TMEM47: variants seen among roughly 807,000 people sequenced by gnomAD.
TMEM47 encodes the protein brain cell membrane protein 1.
Under a neutral mutation model 12.4 loss-of-function variants are expected in TMEM47, and 3 were observed. The ratio of observed to expected loss-of-function variants is 0.24; its 90% CI spans 0.11 to 0.63. The LOEUF (loss-of-function observed/expected upper bound fraction) is 0.63. Among genes scored for constraint, TMEM47 ranks in the 20% least tolerant of loss-of-function variants. TMEM47 has a pLI of 0.86. For synonymous variants in TMEM47, 62 were observed against 63.3 expected (o/e 0.98, Z 0.10); for missense variants, 89 against 143.8 (o/e 0.62, Z 1.95).
intron 1 of TMEM47, among the ~76,000 whole-genome samples, chrX:34,647,796 T>A (rs867177289): frequency 8.9e-6 from 1 of 112,289 alleles, no homozygotes; most frequent in Non-Finnish European, 1.9e-5. Context: ...AGAATGCAAT[T>A]AAGTTGTTGA....
At position 34,628,280 on chromosome X, in the gene TMEM47, C is replaced by T. The variant is rs1601962965; in HGVS notation, c.*2033G>A. ...TTTCTCATGCTGCTCTGACAATATG[C>T]AATTAACTGCAAGACACTCTGCCCC... On this transcript the variant is annotated 3_prime_UTR_variant, in exon 3 of 3. Coordinates refer to ENST00000275954, the MANE Select transcript of TMEM47 (RefSeq NM_031442.4). The T allele has an allele frequency of 1.8e-5, 2 of 111,846 alleles. No individual in the cohort carries two copies. The highest frequency in any genetic ancestry group is 7.5e-4 in the South Asian group (2 of 2,654). The allele number at this position is 111,846 out of a possible 1,213,427, so 9.2% of individuals were successfully genotyped here. A position where few individuals can be genotyped will look rare whatever the true frequency, so the allele number is the denominator to read the frequency against.
chrX:34,643,175 C>T (rs750892713), intron 1 of TMEM47, among the ~76,000 whole-genome samples: 1 of 111,228 alleles, frequency 9.0e-6, no homozygotes, highest in African/African-American at 3.3e-5. Flanking sequence ...CTCTCTCTTA[C>T]TGAACAAGAC....
intron 1 of TMEM47, among the ~76,000 whole-genome samples, chrX:34,656,347 G>A (rs768123322): frequency 9.1e-6 from 1 of 110,285 alleles, no homozygotes; most frequent in East Asian, 2.9e-4. Context: ...TGAACACTAG[G>A]CAAATTCGTC....
chrX:34,648,338 C>T (rs909438424), intron 1 of TMEM47, among the ~76,000 whole-genome samples: 12 of 111,819 alleles, frequency 1.1e-4, no homozygotes, highest in South Asian at 3.7e-4. Flanking sequence ...AGTACAAAAA[C>T]AGGCATATAG....
At chrX:34,634,123 T>C (rs1345387899) in intron 2 of TMEM47, among the ~76,000 whole-genome samples, 1 of 111,453 alleles carries the variant, frequency 9.0e-6, no homozygotes, top group Admixed American at 9.5e-5. Flanking sequence ...ACTATATTTC[T>C]ATTTTACTAC....
At chrX:34,639,811 C>A (rs977289445) in intron 1 of TMEM47, among the ~76,000 whole-genome samples, 2 of 111,435 alleles carry the variant, frequency 1.8e-5, no homozygotes, top group Non-Finnish European at 3.8e-5. Flanking sequence ...GCATTTCTAT[C>A]ACCCAGATTT....
At position 34,657,099 on chromosome X, in the gene TMEM47, G is replaced by T. The variant is rs767618955; in HGVS notation, c.-70C>A. ...AGGCGGGTCCGGAGAGCCGGGAGCCGGACCTCCCGAAGGGAGAAGCCGCCG... is the reference window on the plus strand; with the variant it reads ...AGGCGGGTCCGGAGAGCCGGGAGCCTGACCTCCCGAAGGGAGAAGCCGCCG... On this transcript the variant is annotated 5_prime_UTR_variant, in exon 1 of 3. Coordinates refer to ENST00000275954, the MANE Select transcript of TMEM47 (RefSeq NM_031442.4). 28 of 1,076,918 alleles carry T rather than the reference G, an allele frequency of 2.6e-5. No individual in the cohort carries two copies. In the South Asian group the frequency reaches 6.4e-4, roughly 25 times the overall value. The allele number at this position is 1,076,918 out of a possible 1,213,427, so 88.8% of individuals were successfully genotyped here. A position where few individuals can be genotyped will look rare whatever the true frequency, so the allele number is the denominator to read the frequency against.
chrX:34,650,766 T>C (rs909924896), intron 1 of TMEM47, among the ~76,000 whole-genome samples: 1 of 112,285 alleles, frequency 8.9e-6, no homozygotes, highest in African/African-American at 3.2e-5. Context: ...CCTTGGTTGT[T>C]TGAGACTAAA....
At chrX:34,639,766 T>C (rs1168994380) in intron 1 of TMEM47, among the ~76,000 whole-genome samples, 1 of 111,566 alleles carries the variant, frequency 9.0e-6, no homozygotes, top group Non-Finnish European at 1.9e-5. Context: ...TGAATTCTTA[T>C]AGATATTTAT....
Position 34,657,100 on chromosome X carries a change from G to C in TMEM47, c.-71C>G, listed in dbSNP as rs753156719. ...GGCGGGTCCGGAGAGCCGGGAGCCG[G>C]ACCTCCCGAAGGGAGAAGCCGCCGA... On this transcript the variant is annotated 5_prime_UTR_variant, in exon 1 of 3. Transcript: ENST00000275954. The C allele has an allele frequency of 2.4e-4, 254 of 1,076,729 alleles. No homozygotes were observed. The African/African-American group carries it at 4.5e-3, about 19-fold the overall frequency. The allele number at this position is 1,076,729 out of a possible 1,213,427, so 88.7% of individuals were successfully genotyped here. A position where few individuals can be genotyped will look rare whatever the true frequency, so the allele number is the denominator to read the frequency against.
At chrX:34,641,957 A>G (rs1249174566) in intron 1 of TMEM47, among the ~76,000 whole-genome samples, 2 of 112,526 alleles carry the variant, frequency 1.8e-5, no homozygotes, top group Admixed American at 9.4e-5. Flanking sequence ...CCCGGGTTCA[A>G]GTGATTCTCA....
At chrX:34,641,198 T>C (rs770791331) in intron 1 of TMEM47, among the ~76,000 whole-genome samples, 14 of 111,224 alleles carry the variant, frequency 1.3e-4, no homozygotes, top group Non-Finnish European at 2.3e-4. Context: ...ATGGAAATCC[T>C]TCTAAAAACA....
chrX:34,634,649 G>T lies in TMEM47; in HGVS notation c.368-4158C>A, dbSNP rs750963903. Among the ~76,000 whole-genome samples, 309 of 112,081 alleles carry T rather than the reference G, an allele frequency of 2.8e-3. 2 individuals carry two copies. The highest frequency in any genetic ancestry group is 9.3e-3 in the African/African-American group (288 of 30,839). ...ATAATATGTTCAACACACATTTACTGAGCTCAAACATTGTGCCAAGTACTG... is the reference window on the plus strand; with the variant it reads ...ATAATATGTTCAACACACATTTACTTAGCTCAAACATTGTGCCAAGTACTG... On this transcript the variant is annotated intron_variant, in intron 2 of 2. Transcript: ENST00000275954.
At chrX:34,655,228 GAGAA>G in intron 1 of TMEM47, among the ~76,000 whole-genome samples, 1 of 111,964 alleles carries the variant, frequency 8.9e-6, no homozygotes, top group Non-Finnish European at 1.9e-5. Context: ...AGGAGACAGA[GAGAA>G]AGGGGCAAAA....
intron 1 of TMEM47, among the ~76,000 whole-genome samples, chrX:34,653,723 C>T (rs66473337): frequency 0.065 from 7,271 of 111,354 alleles, 551 homozygotes; most frequent in African/African-American, 0.22. Flanking sequence ...TAAAATATTA[C>T]TATAATTTGT....
At chrX:34,651,655 A>G (rs1323586781) in intron 1 of TMEM47, among the ~76,000 whole-genome samples, 1 of 112,232 alleles carries the variant, frequency 8.9e-6, no homozygotes, top group Non-Finnish European at 1.9e-5. Flanking sequence ...ACCACTAGTT[A>G]ATTGAGACCT....
chrX:34,630,221 C>T lies in TMEM47; in HGVS notation c.*92G>A. On this transcript the variant is annotated 3_prime_UTR_variant, in exon 3 of 3. Transcript: ENST00000275954. ...ACTGAGCAAACTGCTTGATGCTCCACAAGTGTTTTAGAAAATAGTAAGTTA... is the reference window on the plus strand; with the variant it reads ...ACTGAGCAAACTGCTTGATGCTCCATAAGTGTTTTAGAAAATAGTAAGTTA... 1 of 940,830 alleles carries T rather than the reference C, an allele frequency of 1.1e-6. No homozygotes were observed. Among genetic ancestry groups the T allele is most frequent in the Non-Finnish European group, 1.4e-6 (1 of 697,674 alleles). The allele number at this position is 940,830 out of a possible 1,213,427, so 77.5% of individuals were successfully genotyped here.
At position 34,627,587 on chromosome X, in the gene TMEM47, C is replaced by T. The variant is rs947282332; in HGVS notation, c.*2726G>A. The T allele has an allele frequency of 6.2e-5, 7 of 112,089 alleles. No individual in the cohort carries two copies. Among genetic ancestry groups the T allele is most frequent in the African/African-American group, 2.3e-4 (7 of 30,804 alleles). 9.2% of individuals were successfully genotyped at this position (112,089 alleles called of 1,213,427 possible). ...TCTATATTTATGTCTTTAAAATTTA[C>T]ATGTTGAACTTACAAAAAGCTAAAT... On this transcript the variant is annotated 3_prime_UTR_variant, in exon 3 of 3. Coordinates refer to ENST00000275954, the MANE Select transcript of TMEM47 (RefSeq NM_031442.4).
chrX:34,656,652 G>A, intron 1 of TMEM47, 152 bp downstream of exon 1: 1 of 1,038,269 alleles, frequency 9.6e-7, no homozygotes, highest in Non-Finnish European at 1.3e-6. Context: ...GGGAGGTGGC[G>A]GGAGCCCCAG....
Sources: gnomAD v4.1 joint callset for allele counts (sites outside exome capture counted in the v4.1 genomes callset) on GRCh38, gnomAD v4.1.1 for gene constraint, MANE v1.5 for transcripts, NCBI Gene and HGNC (gene_info 2026-07-23, HGNC 2026-07-21) for gene names.